The following GALNT1 variants were observed in gnomAD, a reference collection of about 807,000 sequenced individuals.
The protein encoded by GALNT1 is GalNAc transferase 1.
GALNT1 carries 17 observed loss-of-function variants against 65.7 expected under a neutral mutation model. The ratio of observed to expected loss-of-function variants is 0.26; its 90% CI spans 0.18 to 0.39. The LOEUF is 0.39. Among genes scored for constraint, GALNT1 ranks in the 10% least tolerant of loss-of-function variants. The pLI, the probability that GALNT1 is intolerant of heterozygous loss-of-function variation, is 1.00. For synonymous variants in GALNT1, 210 were observed against 219.7 expected (o/e 0.96, Z 0.39); for missense variants, 460 against 672.8 (o/e 0.68, Z 3.50).
intron 1 of GALNT1, among the ~76,000 whole-genome samples, chr18:35,652,368 A>C (rs2047322408): frequency 6.6e-6 from 1 of 152,200 alleles, no homozygotes; most frequent in Non-Finnish European, 1.5e-5. Context: ...TGCCTCTCTC[A>C]GAGGGGTCTG....
chr18:35,663,535 G>A, intron 2 of GALNT1, 93 bp from the exon 3 acceptor site: 9 of 1,319,504 alleles, frequency 6.8e-6, no homozygotes, highest in Non-Finnish European at 9.3e-6. Flanking sequence ...TGGTTGTTGA[G>A]GGCACAGTTC....
intron 1 of GALNT1, among the ~76,000 whole-genome samples, chr18:35,645,519 C>T (rs981041603): frequency 8.5e-5 from 13 of 152,084 alleles, no homozygotes; most frequent in East Asian, 3.9e-4. Context: ...CGTGAGCTGC[C>T]GCACCTGGCC....
chr18:35,666,944 TAA>T (rs1016001564), intron 3 of GALNT1, among the ~76,000 whole-genome samples: 1 of 147,416 alleles, frequency 6.8e-6, no homozygotes, highest in Non-Finnish European at 1.5e-5. Context: ...TAACCTTTTT[TAA>T]AAAAAAAAAG....
At chr18:35,670,859 G>T (rs1334526507) in intron 3 of GALNT1, among the ~76,000 whole-genome samples, 1 of 152,218 alleles carries the variant, frequency 6.6e-6, no homozygotes, top group African/African-American at 2.4e-5. Flanking sequence ...GGCAGTAGGA[G>T]AAGGATGATC....
chr18:35,706,233 G>T (rs568679437), intron 11 of GALNT1, among the ~76,000 whole-genome samples: 22 of 151,990 alleles, frequency 1.4e-4, no homozygotes, highest in Non-Finnish European at 2.8e-4. Context: ...AGAGCCGGCC[G>T]GGCGCGGTGG....
intron 9 of GALNT1, among the ~76,000 whole-genome samples, chr18:35,698,155 G>A (rs118001108): frequency 5.3e-5 from 8 of 152,284 alleles, no homozygotes; most frequent in Non-Finnish European, 7.4e-5. Flanking sequence ...CACATCTGAC[G>A]TGTCGGCTAC....
chr18:35,688,157 C>CAGA (rs1293125164), intron 6 of GALNT1, among the ~76,000 whole-genome samples: 1 of 152,274 alleles, frequency 6.6e-6, no homozygotes, highest in East Asian at 1.9e-4. Flanking sequence ...CATGTACATG[C>CAGA]AGAAGATTTA....
intron 3 of GALNT1, among the ~76,000 whole-genome samples, chr18:35,666,907 T>A (rs913928045): frequency 7.9e-5 from 12 of 152,164 alleles, no homozygotes; most frequent in Non-Finnish European, 1.6e-4. Flanking sequence ...GTAGCCTTTT[T>A]ATATCTTCAC....
intron 1 of GALNT1, among the ~76,000 whole-genome samples, chr18:35,632,150 A>T (rs1314407454): frequency 6.6e-6 from 1 of 152,226 alleles, no homozygotes; most frequent in African/African-American, 2.4e-5. Flanking sequence ...ATTCAATGCC[A>T]TCCCCATCAA....
At chr18:35,629,324 C>T (rs534696336) in intron 1 of GALNT1, among the ~76,000 whole-genome samples, 203 of 152,228 alleles carry the variant, frequency 1.3e-3, no homozygotes, top group African/African-American at 4.7e-3. Flanking sequence ...AGAGAAAGGT[C>T]GGGTTACCCA....
At chr18:35,687,686 T>C (rs1337878498) in intron 6 of GALNT1, among the ~76,000 whole-genome samples, 1 of 152,182 alleles carries the variant, frequency 6.6e-6, no homozygotes, top group Non-Finnish European at 1.5e-5. Context: ...AAAAAATTCA[T>C]TAATCCATTT....
intron 1 of GALNT1, among the ~76,000 whole-genome samples, chr18:35,610,342 GC>G (rs1161319622): frequency 1.3e-5 from 2 of 152,140 alleles, no homozygotes; most frequent in African/African-American, 4.8e-5. Context: ...GGATAAAGTA[GC>G]CACCCAGTCA....
chr18:35,670,265 G>A (rs1306516012), intron 3 of GALNT1, among the ~76,000 whole-genome samples: 1 of 151,952 alleles, frequency 6.6e-6, no homozygotes, highest in Non-Finnish European at 1.5e-5. Context: ...CTGCACTCCA[G>A]CCTCGGTGAC....
intron 1 of GALNT1, among the ~76,000 whole-genome samples, chr18:35,598,886 G>A (rs1394214227): frequency 1.3e-5 from 2 of 151,884 alleles, no homozygotes; most frequent in Non-Finnish European, 2.9e-5. Context: ...ATCCTTGCCA[G>A]CATCTGTTAT....
chr18:35,680,475 T>G (rs190489346), intron 4 of GALNT1, among the ~76,000 whole-genome samples: 125 of 152,356 alleles, frequency 8.2e-4, no homozygotes, highest in Middle Eastern at 3.4e-3. Flanking sequence ...TTGCTCACCA[T>G]TATCTCTTCA....
intron 1 of GALNT1, among the ~76,000 whole-genome samples, chr18:35,614,739 A>G (rs2046761732): frequency 6.6e-6 from 1 of 152,196 alleles, no homozygotes; most frequent in Non-Finnish European, 1.5e-5. Context: ...TTTAAGGACT[A>G]ACATCCAGAA....
At chr18:35,619,440 GT>G (rs2046824382) in intron 1 of GALNT1, among the ~76,000 whole-genome samples, 1 of 152,110 alleles carries the variant, frequency 6.6e-6, no homozygotes, top group African/African-American at 2.4e-5. Context: ...GGGTACTACT[GT>G]CCTTTGAGAT....
chr18:35,630,743 C>CA (rs1417219248), intron 1 of GALNT1, among the ~76,000 whole-genome samples: 1 of 152,024 alleles, frequency 6.6e-6, no homozygotes, highest in African/African-American at 2.4e-5. Flanking sequence ...AAAAACCCTT[C>CA]AAAAAATCAA....
chr18:35,640,364 A>C lies in GALNT1; in HGVS notation c.-103-14196A>C, dbSNP rs562614688. On this transcript the variant is annotated intron_variant, in intron 1 of 11. Coordinates refer to ENST00000269195, the MANE Select transcript of GALNT1 (RefSeq NM_020474.4). Reference sequence around the variant, plus strand: ...TAAAATACCATTTCAGGTAGGAAAAAATTAAAGTAACAAGTATTTTCTAAC... The same window carrying C: ...TAAAATACCATTTCAGGTAGGAAAACATTAAAGTAACAAGTATTTTCTAAC... Among the ~76,000 whole-genome samples, 3 of 142,702 alleles carry C rather than the reference A, an allele frequency of 2.1e-5. No homozygotes were observed. In the East Asian group the frequency reaches 5.9e-4, roughly 28 times the overall value. The allele number at this position is 142,702 out of a possible 152,430, so 93.6% of individuals were successfully genotyped here. A position where few individuals can be genotyped will look rare whatever the true frequency, so the allele number is the denominator to read the frequency against.
Sources: gnomAD v4.1 joint callset for allele counts (sites outside exome capture counted in the v4.1 genomes callset) on GRCh38, gnomAD v4.1.1 for gene constraint, MANE v1.5 for transcripts, NCBI Gene and HGNC (gene_info 2026-07-23, HGNC 2026-07-21) for gene names.